PCDH15: variants seen among roughly 807,000 people sequenced by gnomAD.
PCDH15 encodes protocadherin-15.
PCDH15 carries 129 observed loss-of-function variants against 178.5 expected under a neutral mutation model. That is an observed-to-expected ratio of 0.72 (90% CI 0.63 to 0.84). PCDH15 has a LOEUF of 0.84. PCDH15 is among the 40% of genes least tolerant of loss of function. PCDH15 has a pLI of 0.00. For synonymous variants in PCDH15, 800 were observed against 732.0 expected, an observed-to-expected ratio of 1.09 and a Z score of -1.50; for missense variants, 2,230 against 2,099.9, an observed-to-expected ratio of 1.06 and a Z score of -1.21.
At chr10:53,867,725 G>A (rs1033022162) in intron 26 of PCDH15, among the ~76,000 whole-genome samples, 19 of 152,016 alleles carry the variant, frequency 1.2e-4, no homozygotes, top group Non-Finnish European at 2.5e-4. Flanking sequence ...ATAGCCTAAG[G>A]AGGATAAATA....
chr10:54,743,953 G>A (rs1945144006), intron 1 of PCDH15, among the ~76,000 whole-genome samples: 1 of 152,024 alleles, frequency 6.6e-6, no homozygotes, highest in African/African-American at 2.4e-5. Context: ...TTCATATCCT[G>A]TCCTTTCAGC....
At chr10:54,748,811 T>A (rs940726690) in intron 1 of PCDH15, among the ~76,000 whole-genome samples, 8 of 152,176 alleles carry the variant, frequency 5.3e-5, no homozygotes, top group African/African-American at 1.9e-4. Context: ...CTCATTTAAG[T>A]GGAGGATTTT....
intron 3 of PCDH15, among the ~76,000 whole-genome samples, chr10:54,808,096 T>C (rs944211169): frequency 2.0e-5 from 3 of 152,206 alleles, no homozygotes; most frequent in Non-Finnish European, 2.9e-5. Flanking sequence ...TATCTTTAGA[T>C]AAAATGAGAC....
intron 3 of PCDH15, among the ~76,000 whole-genome samples, chr10:54,388,606 T>C (rs1397428663): frequency 6.6e-6 from 1 of 152,178 alleles, no homozygotes; most frequent in Non-Finnish European, 1.5e-5. Context: ...CCCACCATCT[T>C]CTTCTGCTAG....
At chr10:55,538,886 CT>C (rs1385541293) in intron 2 of PCDH15, among the ~76,000 whole-genome samples, 2 of 43,740 alleles carry the variant, frequency 4.6e-5, no homozygotes, top group African/African-American at 2.7e-4. Context: ...TCCTCCCTTC[CT>C]TCCTTTCCTT....
At chr10:54,600,454 G>T in intron 2 of PCDH15, 1 of 578,816 alleles carries the variant, frequency 1.7e-6, no homozygotes, top group Admixed American at 1.9e-5. Context: ...CCCAGCAGAT[G>T]AAAAGAAGGG....
At chr10:53,816,367 G>T in intron 34 of PCDH15, 90 bp from the exon 35 acceptor site, 1 of 397,050 alleles carries the variant, frequency 2.5e-6, no homozygotes. Flanking sequence ...AAAAAAAGGC[G>T]ACAGTTTAAA....
chr10:54,983,239 T>C (rs544123721), intron 2 of PCDH15, among the ~76,000 whole-genome samples: 4 of 152,200 alleles, frequency 2.6e-5, no homozygotes, highest in Non-Finnish European at 4.4e-5. Flanking sequence ...TTTAGGTACT[T>C]GTCACCTTAG....
intron 11 of PCDH15, among the ~76,000 whole-genome samples, chr10:54,190,006 G>A (rs2048845909): frequency 6.6e-6 from 1 of 151,006 alleles, no homozygotes; most frequent in Non-Finnish European, 1.5e-5. Context: ...AAGAACACTG[G>A]TGCAAATATT....
rs547746471 is a variant in PCDH15, at chr10:54,278,896, G to C, written c.876+38375C>G. 2.0e-5 allele frequency among the ~76,000 whole-genome samples: 3 copies of C among 151,580 alleles called. No homozygotes were observed. The South Asian group carries it at 6.2e-4, about 31-fold the overall frequency. On this transcript the variant is annotated intron_variant, in intron 8 of 37. Coordinates refer to ENST00000644397, the MANE Select transcript of PCDH15 (RefSeq NM_001384140.1). ...TCTGCACTTCAATTCTTCTTAGTTC[G>C]AGACTCACTTCAACCTACCGCATCC...
rs934712126 is a variant in PCDH15, at chr10:54,027,397, A to T, written c.2221-4200T>A. The stretch of plus-strand genomic sequence containing the variant: ...AATTTACAGATTCAATGCCATCCCC[A>T]TCAAGCTACCAATGCCTTTCTTCAC... On this transcript the variant is annotated intron_variant, in intron 18 of 37. Coordinates refer to ENST00000644397, the MANE Select transcript of PCDH15 (RefSeq NM_001384140.1). Among the ~76,000 whole-genome samples the T allele has an allele frequency of 2.5e-4, 38 of 152,144 alleles. 1 individual carries two copies. The highest frequency in any genetic ancestry group is 2.1e-3 in the Admixed American group (32 of 15,282).
chr10:55,044,914 C>A (rs1032336838), intron 2 of PCDH15, among the ~76,000 whole-genome samples: 8 of 152,082 alleles, frequency 5.3e-5, no homozygotes, highest in Non-Finnish European at 1.0e-4. Context: ...CCTTCCCCAA[C>A]CTTATCAGTG....
intron 2 of PCDH15, among the ~76,000 whole-genome samples, chr10:54,648,778 T>A (rs955913908): frequency 6.6e-6 from 1 of 152,174 alleles, no homozygotes; most frequent in Non-Finnish European, 1.5e-5. Flanking sequence ...ATACTCAGCA[T>A]AAAGCATTAT....
chr10:54,537,402 T>C (rs2084698800), intron 2 of PCDH15, among the ~76,000 whole-genome samples: 1 of 151,644 alleles, frequency 6.6e-6, no homozygotes, highest in African/African-American at 2.4e-5. Context: ...AGGAGGAGAG[T>C]CTGCTCCCTA....
At chr10:54,407,892 C>T (rs937222734) in intron 3 of PCDH15, among the ~76,000 whole-genome samples, 2 of 151,682 alleles carry the variant, frequency 1.3e-5, no homozygotes, top group Non-Finnish European at 2.9e-5. Flanking sequence ...CTCGTCTCTA[C>T]TAAAAATATA....
chr10:55,128,914 T>C (rs1837972658), intron 2 of PCDH15, among the ~76,000 whole-genome samples: 1 of 152,022 alleles, frequency 6.6e-6, no homozygotes, highest in African/African-American at 2.4e-5. Flanking sequence ...TTGCAGTAAA[T>C]ACAGAACTCC....
intron 1 of PCDH15, among the ~76,000 whole-genome samples, chr10:54,755,344 A>C (rs2133057620): frequency 6.6e-6 from 1 of 152,334 alleles, no homozygotes; most frequent in Non-Finnish European, 1.5e-5. Flanking sequence ...GTTCTTAAAA[A>C]TATAGCTTAG....
chr10:54,776,761 T>C (rs1364627937), intron 1 of PCDH15, among the ~76,000 whole-genome samples: 1 of 152,176 alleles, frequency 6.6e-6, no homozygotes, highest in Admixed American at 6.5e-5. Flanking sequence ...CTCGGTTTGT[T>C]AGGTTTTATT....
intron 2 of PCDH15, among the ~76,000 whole-genome samples, chr10:54,583,374 T>A (rs570081838): frequency 6.6e-6 from 1 of 152,094 alleles, no homozygotes; most frequent in South Asian, 2.1e-4. Context: ...TTCCTCCATT[T>A]TATTTTACTA....
Sources: allele counts gnomAD v4.1 joint callset (sites outside exome capture counted in the v4.1 genomes callset), GRCh38; gene constraint gnomAD v4.1.1; transcripts MANE v1.5; gene names NCBI Gene and HGNC (gene_info 2026-07-23, HGNC 2026-07-21).